CNTNAP2: variants seen among roughly 807,000 people sequenced by gnomAD.
CNTNAP2 encodes the protein contactin-associated protein-like 2.
CNTNAP2 carries 98 observed loss-of-function variants against 155.2 expected under a neutral mutation model. That is an observed-to-expected ratio of 0.63 (90% confidence interval 0.54 to 0.75). CNTNAP2 has a LOEUF of 0.75. Among genes scored for constraint, CNTNAP2 ranks in the 30% least tolerant of loss-of-function variants. The pLI, the probability that CNTNAP2 is intolerant of heterozygous loss-of-function variation, is 0.00. For missense variants in CNTNAP2, 1,727 were observed against 1,688.1 expected (o/e 1.02, Z -0.40); for synonymous variants, 651 against 631.2 (o/e 1.03, Z -0.47).
intron 8 of CNTNAP2, among the ~76,000 whole-genome samples, chr7:147,195,561 T>C (rs1280477371): frequency 1.3e-5 from 2 of 152,214 alleles, no homozygotes; most frequent in Non-Finnish European, 2.9e-5. Flanking sequence ...CATGGAATGT[T>C]TTTCCATTTG....
intron 13 of CNTNAP2, among the ~76,000 whole-genome samples, chr7:147,773,452 A>G (rs1194321885): frequency 6.6e-6 from 1 of 152,202 alleles, no homozygotes; most frequent in Non-Finnish European, 1.5e-5. Context: ...CCCAGCCAAC[A>G]TGGTGAAACC....
At chr7:146,384,621 A>G (rs926257804) in intron 1 of CNTNAP2, among the ~76,000 whole-genome samples, 2 of 152,180 alleles carry the variant, frequency 1.3e-5, no homozygotes, top group African/African-American at 4.8e-5. Flanking sequence ...ATCATTGTGT[A>G]ATCTTATGTA....
Position 146,967,040 on chromosome 7 carries a change from AG to A in CNTNAP2, c.403-76863del, listed in dbSNP as rs1297105671. Among the ~76,000 whole-genome samples the A allele has an allele frequency of 3.3e-5, 5 of 152,152 alleles. No homozygotes were observed. The South Asian group carries it at 8.3e-4, about 25-fold the overall frequency. On this transcript the variant is annotated intron_variant, in intron 3 of 23. Transcript: ENST00000361727. The stretch of plus-strand genomic sequence containing the variant: ...AGTTGATGCTGCTTGGGTGAAAGGA[AG>A]GGGAAAAATCTATTGATCACAGAAG...
At chr7:146,999,939 T>C (rs1290316579) in intron 3 of CNTNAP2, among the ~76,000 whole-genome samples, 1 of 152,028 alleles carries the variant, frequency 6.6e-6, no homozygotes, top group African/African-American at 2.4e-5. Context: ...AGTTTTCTCC[T>C]TCAATTTTTA....
At chr7:148,087,886 T>C (rs1385832969) in intron 15 of CNTNAP2, among the ~76,000 whole-genome samples, 1 of 152,148 alleles carries the variant, frequency 6.6e-6, no homozygotes, top group Non-Finnish European at 1.5e-5. Flanking sequence ...TGTCATAAGC[T>C]CACAGTAATT....
chr7:147,599,686 T>C (rs1481999222), intron 12 of CNTNAP2, among the ~76,000 whole-genome samples: 1 of 152,268 alleles, frequency 6.6e-6, no homozygotes, highest in East Asian at 1.9e-4. Context: ...GGCATGTCAC[T>C]GCATCCCTCC....
chr7:146,387,042 C>T (rs1795471199), intron 1 of CNTNAP2, among the ~76,000 whole-genome samples: 1 of 152,144 alleles, frequency 6.6e-6, no homozygotes, highest in Admixed American at 6.5e-5. Context: ...AAATCACAGT[C>T]CCCACCCCTA....
At chr7:148,298,683 GAC>G (rs1455232719) in intron 21 of CNTNAP2, among the ~76,000 whole-genome samples, 2 of 151,962 alleles carry the variant, frequency 1.3e-5, no homozygotes, top group African/African-American at 4.8e-5. Context: ...ATCACACACA[GAC>G]ATATATACAT....
chr7:147,164,999 TACTTG>T (rs1248648343), intron 8 of CNTNAP2, among the ~76,000 whole-genome samples: 3 of 152,208 alleles, frequency 2.0e-5, no homozygotes, highest in African/African-American at 7.2e-5. Context: ...ATAAGACAAT[TACTTG>T]ACTTAGTTGT....
intron 1 of CNTNAP2, among the ~76,000 whole-genome samples, chr7:146,349,512 G>A (rs58410709): frequency 0.027 from 4,038 of 152,204 alleles, 174 homozygotes; most frequent in African/African-American, 0.088. Context: ...CTGTCATTAG[G>A]ATGTTAGCTG....
At chr7:147,044,211 T>A (rs947085301) in intron 4 of CNTNAP2, among the ~76,000 whole-genome samples, 157 bp downstream of exon 4, 1 of 151,976 alleles carries the variant, frequency 6.6e-6, no homozygotes, top group Non-Finnish European at 1.5e-5. Context: ...CATATATATA[T>A]AATAAAAGGT....
At chr7:147,798,883 C>T (rs1797944300) in intron 13 of CNTNAP2, among the ~76,000 whole-genome samples, 1 of 152,194 alleles carries the variant, frequency 6.6e-6, no homozygotes. Context: ...TTACCCAGCA[C>T]ACAGGGTCTC....
intron 9 of CNTNAP2, among the ~76,000 whole-genome samples, chr7:147,312,170 C>T (rs997354362): frequency 6.6e-6 from 1 of 151,958 alleles, no homozygotes; most frequent in African/African-American, 2.4e-5. Context: ...TCTCTTTCTA[C>T]TTTGGGTTCC....
At chr7:147,535,750 G>A (rs1584797664) in intron 11 of CNTNAP2, among the ~76,000 whole-genome samples, 2 of 152,138 alleles carry the variant, frequency 1.3e-5, no homozygotes, top group South Asian at 2.1e-4. Context: ...GGGAGGAGGC[G>A]AGGACCGCGA....
intron 13 of CNTNAP2, among the ~76,000 whole-genome samples, chr7:147,874,736 G>T (rs1799393642): frequency 6.6e-6 from 1 of 152,270 alleles, no homozygotes; most frequent in South Asian, 2.1e-4. Flanking sequence ...CATAAAATGG[G>T]TTTTTCTTTT....
chr7:146,923,418 C>A (rs1394937415), intron 3 of CNTNAP2, among the ~76,000 whole-genome samples: 1 of 152,146 alleles, frequency 6.6e-6, no homozygotes, highest in Non-Finnish European at 1.5e-5. Context: ...ATTGATCTTC[C>A]TGACAGAAGA....
At chr7:147,136,876 TG>T (rs1801490838) in intron 8 of CNTNAP2, among the ~76,000 whole-genome samples, 1 of 151,976 alleles carries the variant, frequency 6.6e-6, no homozygotes, top group African/African-American at 2.4e-5. Context: ...TATTTCAAAA[TG>T]TCTTAAATTC....
At chr7:147,736,499 C>G (rs1236641137) in intron 13 of CNTNAP2, among the ~76,000 whole-genome samples, 1 of 152,106 alleles carries the variant, frequency 6.6e-6, no homozygotes, top group African/African-American at 2.4e-5. Flanking sequence ...AATTATGTGT[C>G]TTGGAGTTGC....
chr7:146,378,396 GTGA>G (rs150135089), intron 1 of CNTNAP2, among the ~76,000 whole-genome samples: 13 of 151,846 alleles, frequency 8.6e-5, no homozygotes, highest in East Asian at 1.9e-4. Context: ...GATGATGATG[GTGA>G]TGATGATGAT....
Sources: allele counts gnomAD v4.1 joint callset (sites outside exome capture counted in the v4.1 genomes callset), GRCh38; gene constraint gnomAD v4.1.1; transcripts MANE v1.5; gene names NCBI Gene and HGNC (gene_info 2026-07-23, HGNC 2026-07-21).